The following WWOX variants were observed in gnomAD, a reference collection of about 807,000 sequenced individuals.
The protein encoded by WWOX is WW domain containing oxidoreductase.
In WWOX, 69 loss-of-function variants were observed where a neutral mutation model predicts 46.2. That is an observed-to-expected ratio of 1.49 (90% CI 1.23 to 1.82). The LOEUF is 1.82. Among genes scored for constraint, WWOX ranks in the 40% most tolerant of loss-of-function variants. WWOX has a pLI of 0.00. For synonymous variants in WWOX, 359 were observed against 202.6 expected (o/e 1.77, Z -6.56); for missense variants, 919 against 542.6 (o/e 1.69, Z -6.89).
At chr16:78,632,600 C>A (rs575870011) in intron 8 of WWOX, among the ~76,000 whole-genome samples, 35 of 117,640 alleles carry the variant, frequency 3.0e-4, no homozygotes, top group Non-Finnish European at 4.3e-4. Context: ...GTTCTGTCTC[C>A]CAGGCTGGAG....
intron 8 of WWOX, among the ~76,000 whole-genome samples, chr16:78,614,340 T>C (rs2045970606): frequency 6.6e-6 from 1 of 152,232 alleles, no homozygotes; most frequent in Admixed American, 6.5e-5. Context: ...GTGTGTGTAT[T>C]GTTCTGTTTT....
rs562779409 is a variant in WWOX, at chr16:79,018,606, G to A, written c.1057-193002G>A. On this transcript the variant is annotated intron_variant, in intron 8 of 8. Coordinates refer to ENST00000566780, the MANE Select transcript of WWOX (RefSeq NM_016373.4). ...AGATAATTGTCAGAATCGAGGTCAT[G>A]TCTATAAGACACCACCATTTCAAAG... Among the ~76,000 whole-genome samples, 8 of 152,254 alleles carry A rather than the reference G, an allele frequency of 5.3e-5. No individual in the cohort carries two copies. In the East Asian group the frequency reaches 1.4e-3, roughly 26 times the overall value.
At chr16:78,914,584 T>C (rs978795578) in intron 8 of WWOX, among the ~76,000 whole-genome samples, 5 of 151,804 alleles carry the variant, frequency 3.3e-5, no homozygotes, top group Non-Finnish European at 7.4e-5. Flanking sequence ...ACTGTGAGTA[T>C]AAGAGGGAAA....
At chr16:78,501,322 C>T (rs1212799153) in intron 8 of WWOX, among the ~76,000 whole-genome samples, 1 of 150,286 alleles carries the variant, frequency 6.7e-6, no homozygotes, top group Non-Finnish European at 1.5e-5. Context: ...TTTTGGCATT[C>T]TTTATGAAAA....
chr16:79,122,060 A>C (rs1298009169), intron 8 of WWOX, among the ~76,000 whole-genome samples: 1 of 152,166 alleles, frequency 6.6e-6, no homozygotes, highest in Non-Finnish European at 1.5e-5. Flanking sequence ...AGCTGTGCAC[A>C]CGCATGTAGG....
intron 8 of WWOX, among the ~76,000 whole-genome samples, chr16:78,893,985 C>G (rs1472126520): frequency 6.6e-6 from 1 of 150,832 alleles, no homozygotes; most frequent in South Asian, 2.1e-4. Context: ...CCAGGTATCC[C>G]TGATTACCAT....
chr16:79,076,028 T>C (rs963594242), intron 8 of WWOX, among the ~76,000 whole-genome samples: 2 of 152,212 alleles, frequency 1.3e-5, no homozygotes, highest in African/African-American at 4.8e-5. Context: ...TCTTACAGTA[T>C]ATGTAGAACC....
intron 8 of WWOX, among the ~76,000 whole-genome samples, chr16:78,505,388 C>G (rs2085169494): frequency 6.6e-6 from 1 of 152,212 alleles, no homozygotes. Flanking sequence ...ACCAGGCCCT[C>G]TGAGTGGGGC....
intron 4 of WWOX, among the ~76,000 whole-genome samples, chr16:78,127,253 C>T (rs2033400416): frequency 6.6e-6 from 1 of 152,074 alleles, no homozygotes; most frequent in Non-Finnish European, 1.5e-5. Context: ...GTCTACTCAT[C>T]ATTGCAGGCG....
At chr16:79,170,248 C>T (rs2050674481) in intron 8 of WWOX, among the ~76,000 whole-genome samples, 1 of 152,178 alleles carries the variant, frequency 6.6e-6, no homozygotes, top group South Asian at 2.1e-4. Flanking sequence ...CTCATTTAAT[C>T]CTCACCACAA....
rs117527580 is a variant in WWOX at position 79,017,095 on chromosome 16, G to A, written c.1057-194513G>A. 885 of 152,216 alleles carry A rather than the reference G, an allele frequency of 5.8e-3. 4 individuals carry two copies. The highest frequency in any genetic ancestry group is 9.6e-3 in the Non-Finnish European group (651 of 68,042). The allele number at this position is 152,216 out of a possible 1,614,324, so 9.4% of individuals were successfully genotyped here. A position where few individuals can be genotyped will look rare whatever the true frequency, so the allele number is the denominator to read the frequency against. ...ATATTATGTCCCTCTGTGTTCTCTA[G>A]CTAGTTATCTATCCATCCATCTCTT... On this transcript the variant is annotated intron_variant, in intron 8 of 8. Transcript: ENST00000566780.
At chr16:78,206,254 T>A (rs566644819) in intron 5 of WWOX, among the ~76,000 whole-genome samples, 1 of 152,206 alleles carries the variant, frequency 6.6e-6, no homozygotes, top group South Asian at 2.1e-4. Context: ...AGAATGAAAA[T>A]AAATAATTTT....
chr16:79,057,070 G>C (rs1052672660), intron 8 of WWOX, among the ~76,000 whole-genome samples: 26 of 152,216 alleles, frequency 1.7e-4, no homozygotes, highest in Admixed American at 1.7e-3. Flanking sequence ...TTGCCGCCAT[G>C]GGCCTGAATT....
chr16:78,825,676 G>T (rs2051633154), intron 8 of WWOX: 2 of 530,648 alleles, frequency 3.8e-6, no homozygotes, highest in Non-Finnish European at 7.3e-6. Context: ...GCCATAGGCT[G>T]CCAAGCTGTG....
chr16:78,507,997 C>CGTGTGTGTGTGTGTGTGT (rs959701013), intron 8 of WWOX, among the ~76,000 whole-genome samples: 7 of 31,018 alleles, frequency 2.3e-4, no homozygotes, highest in Admixed American at 6.1e-4. Flanking sequence ...TGGTTGCGTG[C>CGTGTGTGTGTGTGTGTGT]GTGTGTGTGT....
Position 78,522,757 on chromosome 16 carries a change from C to T in WWOX, c.1056+90005C>T, listed in dbSNP as rs114901336. Among the ~76,000 whole-genome samples the T allele has an allele frequency of 7.1e-3, 1,088 of 152,262 alleles. 10 individuals are homozygous for T. The highest frequency in any genetic ancestry group is 0.025 in the African/African-American group (1,037 of 41,554). ...GAGACTTGGGATGATAAAGTCAAGT[C>T]GAATATCTGGTAGGGTTAAAAATCT... On this transcript the variant is annotated intron_variant, in intron 8 of 8. Transcript: ENST00000566780.
At chr16:78,590,172 T>C (rs922243232) in intron 8 of WWOX, among the ~76,000 whole-genome samples, 7 of 70,152 alleles carry the variant, frequency 1.0e-4, no homozygotes, top group African/African-American at 3.3e-4. Flanking sequence ...CTGTTTATTA[T>C]AGATAGAAAT....
intron 8 of WWOX, among the ~76,000 whole-genome samples, chr16:78,578,092 A>T (rs893183085): frequency 6.6e-6 from 1 of 151,714 alleles, no homozygotes; most frequent in South Asian, 2.1e-4. Flanking sequence ...TTCCGAAAGT[A>T]CTTAGATACT....
intron 8 of WWOX, among the ~76,000 whole-genome samples, chr16:78,647,432 CA>C (rs1420506548): frequency 6.6e-6 from 1 of 152,102 alleles, no homozygotes; most frequent in Non-Finnish European, 1.5e-5. Flanking sequence ...CACAGATTAG[CA>C]CACGGTTCCA....
Sources: gnomAD v4.1 joint callset for allele counts (sites outside exome capture counted in the v4.1 genomes callset) on GRCh38, gnomAD v4.1.1 for gene constraint, MANE v1.5 for transcripts, NCBI Gene and HGNC (gene_info 2026-07-23, HGNC 2026-07-21) for gene names.